Variants in DESI2 observed in about 807,000 individuals in gnomAD.
The protein encoded by DESI2 is desumoylating isopeptidase 2.
Under a neutral mutation model 24.1 loss-of-function variants are expected in DESI2, and 10 were observed. The observed-to-expected ratio is 0.41, with a 90% CI of 0.26 to 0.70. The LOEUF (loss-of-function observed/expected upper bound fraction) is 0.70, where lower values mean the gene tolerates loss of function less well. Ranked by LOEUF, DESI2 falls within the 30% of genes least tolerant of loss-of-function variation. DESI2 has a pLI of 0.29. For synonymous variants in DESI2, 71 were observed against 87.7 expected (o/e 0.81, Z 1.06); for missense variants, 122 against 234.9 (o/e 0.52, Z 3.14).
chr1:244,699,701 G>A (rs763834277), intron 4 of DESI2, among the ~76,000 whole-genome samples: 9 of 150,326 alleles, frequency 6.0e-5, no homozygotes, highest in East Asian at 3.9e-4. Context: ...TTTTAAATGC[G>A]AAGCTATGAC....
At chr1:244,669,891 C>G (rs535818116) in intron 1 of DESI2, among the ~76,000 whole-genome samples, 1 of 152,252 alleles carries the variant, frequency 6.6e-6, no homozygotes, top group South Asian at 2.1e-4. Flanking sequence ...ATATAGGCAT[C>G]CTTTAAAACT....
intron 1 of DESI2, among the ~76,000 whole-genome samples, chr1:244,670,445 T>C (rs954378686): frequency 6.6e-6 from 1 of 152,216 alleles, no homozygotes; most frequent in Non-Finnish European, 1.5e-5. Flanking sequence ...TTCCCCAATA[T>C]GTAGAACAAA....
intron 1 of DESI2, among the ~76,000 whole-genome samples, chr1:244,660,301 G>C (rs1469139922): frequency 6.6e-6 from 1 of 152,100 alleles, no homozygotes; most frequent in Non-Finnish European, 1.5e-5. Context: ...GAGTAGCTAG[G>C]ACTACAGGCG....
intron 4 of DESI2, among the ~76,000 whole-genome samples, chr1:244,704,363 G>A (rs1677606865): frequency 6.6e-6 from 1 of 152,148 alleles, no homozygotes; most frequent in Non-Finnish European, 1.5e-5. Context: ...CCAGTCCATT[G>A]TCTGCACAAG....
intron 1 of DESI2, chr1:244,653,922 T>G (rs754430928): frequency 2.5e-5 from 12 of 471,114 alleles, no homozygotes; most frequent in Admixed American, 1.2e-4. Context: ...GGCAACCTCG[T>G]TAAAATATGA....
chr1:244,661,563 C>G (rs1239219390), intron 1 of DESI2, among the ~76,000 whole-genome samples: 2 of 152,064 alleles, frequency 1.3e-5, no homozygotes, highest in Admixed American at 6.6e-5. Flanking sequence ...TCCCCGCTCC[C>G]CCCACCCCAC....
intron 2 of DESI2, among the ~76,000 whole-genome samples, chr1:244,688,572 G>A (rs919595350): frequency 2.6e-5 from 4 of 152,056 alleles, no homozygotes; most frequent in Admixed American, 2.0e-4. Flanking sequence ...AAAATTACAG[G>A]AATTTTTTAT....
rs773610782 is a variant in DESI2, at chr1:244,692,052, A to C, written c.351+32A>C. 92 of 1,550,638 alleles carry C rather than the reference A, an allele frequency of 5.9e-5. 1 individual carries two copies. The East Asian group carries it at 2.1e-3, about 35-fold the overall frequency. ...TAAATTTTATCCTAAAAGTTCTTCAAATAAATATTTGCTATCCCACTATAC... is the reference window on the plus strand; with the variant it reads ...TAAATTTTATCCTAAAAGTTCTTCACATAAATATTTGCTATCCCACTATAC... On this transcript the variant is annotated intron_variant, in intron 4 of 4. Transcript: ENST00000302550.
intron 1 of DESI2, among the ~76,000 whole-genome samples, chr1:244,667,352 T>C (rs1163252273): frequency 6.6e-6 from 1 of 152,124 alleles, no homozygotes; most frequent in Non-Finnish European, 1.5e-5. Flanking sequence ...ACAGAGGGGT[T>C]AAAGGGCCCA....
chr1:244,676,810 T>C (rs974619168), intron 1 of DESI2, among the ~76,000 whole-genome samples: 1 of 147,868 alleles, frequency 6.8e-6, no homozygotes, highest in Non-Finnish European at 1.5e-5. Flanking sequence ...ATATTATATA[T>C]ATTTTATATA....
At chr1:244,695,455 C>A (rs1238664843) in intron 4 of DESI2, among the ~76,000 whole-genome samples, 1 of 152,170 alleles carries the variant, frequency 6.6e-6, no homozygotes, top group East Asian at 1.9e-4. Context: ...AGATCAAGAC[C>A]ATCCTGGCCA....
Position 244,661,501 on chromosome 1 carries a change from C to G in DESI2, c.42+8146C>G, listed in dbSNP as rs185322488. 7.8e-3 allele frequency among the ~76,000 whole-genome samples: 1,189 copies of G among 152,098 alleles called. 9 individuals carry two copies. Among genetic ancestry groups the G allele is most frequent in the Non-Finnish European group, 0.012 (831 of 67,986 alleles). Reference sequence around the variant, plus strand: ...TGTATACATGTGCCGTGTTGGTGTGCTGCACCCATTAACTCATCATTCACA... The same window carrying G: ...TGTATACATGTGCCGTGTTGGTGTGGTGCACCCATTAACTCATCATTCACA... On this transcript the variant is annotated intron_variant, in intron 1 of 4. Transcript: ENST00000302550.
At chr1:244,700,044 T>C (rs1677384360) in intron 4 of DESI2, among the ~76,000 whole-genome samples, 1 of 152,240 alleles carries the variant, frequency 6.6e-6, no homozygotes, top group Admixed American at 6.5e-5. Flanking sequence ...GTAGTCCCTC[T>C]GAAACAAAAA....
chr1:244,672,026 A>G (rs1676264438), intron 1 of DESI2, among the ~76,000 whole-genome samples: 6 of 152,222 alleles, frequency 3.9e-5, no homozygotes, highest in Admixed American at 3.3e-4. Context: ...TCCCCTCCAA[A>G]TCTCATATTG....
chr1:244,653,969 A>C, intron 1 of DESI2: 1 of 471,198 alleles, frequency 2.1e-6, no homozygotes. Context: ...AGCCCAGCTG[A>C]ATTATTTAGA....
At chr1:244,673,902 A>G (rs552910823) in intron 1 of DESI2, among the ~76,000 whole-genome samples, 1 of 152,172 alleles carries the variant, frequency 6.6e-6, no homozygotes, top group African/African-American at 2.4e-5. Flanking sequence ...CATGTACAGA[A>G]GAGTTTTTGT....
intron 1 of DESI2, among the ~76,000 whole-genome samples, chr1:244,655,092 G>A (rs988806628): frequency 6.6e-6 from 1 of 152,206 alleles, no homozygotes; most frequent in African/African-American, 2.4e-5. Flanking sequence ...GCAAATTGTG[G>A]TCGATTGGGA....
At chr1:244,661,357 G>A (rs1163948010) in intron 1 of DESI2, among the ~76,000 whole-genome samples, 1 of 152,066 alleles carries the variant, frequency 6.6e-6, no homozygotes, top group Non-Finnish European at 1.5e-5. Flanking sequence ...CCTTTTTAAG[G>A]CTGAGTAATA....
chr1:244,705,675 T>C lies in DESI2; in HGVS notation c.471T>C (p.Ser157=), dbSNP rs1384093454. The change falls in exon 5 of 5, where the codon TCT becomes TCC. Residue 157 remains serine (S), a synonymous_variant. Coordinates refer to ENST00000302550, the MANE Select transcript of DESI2 (RefSeq NM_016076.5). Reference sequence around the variant, plus strand: ...GGCTCACGCCCGCAGCCCTGCAGTCTAGTGTCAGCCAAGAACTCCAGGATG... The same window carrying C: ...GGCTCACGCCCGCAGCCCTGCAGTCCAGTGTCAGCCAAGAACTCCAGGATG... ...KEWLTPAALQ[S]SVSQELQDEL... is the part of the protein sequence containing the mutation. The C allele has an allele frequency of 6.8e-6, 11 of 1,614,044 alleles. No individual in the cohort carries two copies. Among genetic ancestry groups the C allele is most frequent in the Non-Finnish European group, 9.3e-6 (11 of 1,180,028 alleles).
Sources: allele counts gnomAD v4.1 joint callset (sites outside exome capture counted in the v4.1 genomes callset), GRCh38; gene constraint gnomAD v4.1.1; transcripts MANE v1.5; gene names NCBI Gene and HGNC (gene_info 2026-07-23, HGNC 2026-07-21).